The following EXD3 variants were observed in gnomAD, a reference collection of about 807,000 sequenced individuals.
The protein encoded by EXD3 is exonuclease 3'-5' domain containing 3.
Under a neutral mutation model 98.0 loss-of-function variants are expected in EXD3, and 92 were observed. The observed-to-expected ratio is 0.94, with a 90% CI of 0.79 to 1.12. The LOEUF is 1.12. Ranked by LOEUF, EXD3 falls within the 50% of genes most tolerant of loss-of-function variation. EXD3 has a pLI of 0.00. For missense variants in EXD3, 1,222 were observed against 1,191.6 expected (o/e 1.03, Z -0.38); for synonymous variants, 569 against 526.0 (o/e 1.08, Z -1.12).
At chr9:137,310,919 T>A (rs1179573534) in intron 19 of EXD3, among the ~76,000 whole-genome samples, 1 of 152,176 alleles carries the variant, frequency 6.6e-6, no homozygotes, top group Non-Finnish European at 1.5e-5. Flanking sequence ...CCCCTCCCCA[T>A]GCAGGGGCTT....
chr9:137,323,771 T>C lies in EXD3; in HGVS notation c.2138A>G (p.His713Arg). Residue 713 changes from histidine to arginine, a missense_variant, in exon 19 of 22, where the codon CAT (histidine) becomes CGT (arginine). Physicochemically the swap from His to Arg is conservative, Grantham distance 29 (BLOSUM62 0). Transcript: ENST00000340951. ...AQQQAKAVLK[H>R]FNVRVTHADI... The stretch of plus-strand genomic sequence containing the variant: ...TGCGTGGGTGACACGCACGTTGAAA[T>C]GCTTGAGCACAGCCTTGGCCTGCTG... 1 of 1,612,342 alleles carries C rather than the reference T, an allele frequency of 6.2e-7. No homozygotes were observed. Among genetic ancestry groups the C allele is most frequent in the Non-Finnish European group, 8.5e-7 (1 of 1,179,726 alleles).
At chr9:137,375,255 T>C (rs887089125) in intron 3 of EXD3, among the ~76,000 whole-genome samples, 7 of 152,058 alleles carry the variant, frequency 4.6e-5, no homozygotes, top group African/African-American at 1.2e-4. Context: ...GATCCGCCCG[T>C]CTCGGCCTCC....
At position 137,352,200 on chromosome 9, in the gene EXD3, C is replaced by T; in HGVS notation, c.1039G>A (p.Ala347Thr). 1.2e-6 allele frequency: 2 copies of T among 1,612,618 alleles called. No individual in the cohort carries two copies. Among genetic ancestry groups the T allele is most frequent in the South Asian group, 2.2e-5 (2 of 91,082 alleles). Residue 347 changes from alanine (A) to threonine (T), a missense_variant and splice_region_variant, in exon 12 of 22, where the codon GCG (alanine) becomes ACG (threonine). By Grantham distance (58) the Ala-to-Thr change is moderately conservative (BLOSUM62 0). Coordinates refer to ENST00000340951, the MANE Select transcript of EXD3 (RefSeq NM_017820.5). ...ELRRFRLQGR[A>T]TEADSRLEVK... ...TCCAGCCTCGAGTCAGCCTCAGTCG[C>T]CCTGGGAGGAGCAGAGCTGGTAGCG...
intron 5 of EXD3, among the ~76,000 whole-genome samples, chr9:137,369,114 G>A (rs1185505009): frequency 7.0e-6 from 1 of 141,854 alleles, no homozygotes; most frequent in Non-Finnish European, 1.6e-5. Flanking sequence ...GGGCGTGGGA[G>A]TCTCGGAGTC....
At chr9:137,340,769 C>T (rs1833608240) in intron 17 of EXD3, among the ~76,000 whole-genome samples, 1 of 152,136 alleles carries the variant, frequency 6.6e-6, no homozygotes, top group South Asian at 2.1e-4. Context: ...TTCTCCCGCC[C>T]TGGCCTCCCA....
At chr9:137,381,585 G>C (rs1412899192) in intron 3 of EXD3, among the ~76,000 whole-genome samples, 4 of 152,070 alleles carry the variant, frequency 2.6e-5, no homozygotes, top group African/African-American at 9.7e-5. Flanking sequence ...CTCCCAGGCT[G>C]CTCTCACCCG....
chr9:137,404,166 A>AT (rs926099091), intron 1 of EXD3, among the ~76,000 whole-genome samples: 1 of 152,072 alleles, frequency 6.6e-6, no homozygotes, highest in African/African-American at 2.4e-5. Context: ...CAACGACCTC[A>AT]TTTTACCTCT....
In EXD3 at chr9:137,407,121, C is replaced by A. The variant is rs1454288361; in HGVS notation, c.-47-11717G>T. On this transcript the variant is annotated intron_variant, in intron 1 of 21. Transcript: ENST00000340951. The surrounding 1 kb of genome is among the most constrained non-coding windows in gnomAD (Gnocchi z 4.4). ...GGCCTGCGGAGCAGCCAGTCCCGGG[C>A]ACCCCACGCCGACCGCCGCGCGTCC... Among the ~76,000 whole-genome samples the A allele has an allele frequency of 6.6e-6, 1 of 152,138 alleles. No homozygotes were observed. Among genetic ancestry groups the A allele is most frequent in the Non-Finnish European group, 1.5e-5 (1 of 68,016 alleles).
chr9:137,327,001 A>G (rs1200700726), intron 17 of EXD3, among the ~76,000 whole-genome samples: 1 of 152,122 alleles, frequency 6.6e-6, no homozygotes, highest in Non-Finnish European at 1.5e-5. Flanking sequence ...AAGATGCCAG[A>G]TACAAATGGG....
Position 137,395,200 on chromosome 9 carries a change from C to T in EXD3, c.55+103G>A. ...CGCAGCTAGGGGCCAGCAGCCTGGC[C>T]CTCGTCACTGAGTACACAGTGGGCG... On this transcript the variant is annotated intron_variant, in intron 2 of 21. Coordinates refer to ENST00000340951, the MANE Select transcript of EXD3 (RefSeq NM_017820.5). This position sits in a 1 kb window ranked among gnomAD's most constrained non-coding sequence, Gnocchi z 6.5. The T allele has an allele frequency of 9.1e-7, 1 of 1,104,548 alleles. No homozygotes were observed. Among genetic ancestry groups the T allele is most frequent in the Non-Finnish European group, 1.4e-6 (1 of 724,974 alleles). The allele number at this position is 1,104,548 out of a possible 1,614,324, so 68.4% of individuals were successfully genotyped here.
At chr9:137,310,270 C>T (rs755082996) in intron 19 of EXD3, among the ~76,000 whole-genome samples, 4 of 152,142 alleles carry the variant, frequency 2.6e-5, no homozygotes, top group African/African-American at 7.2e-5. Context: ...TTTTGAGATG[C>T]GGTCTCATTG....
chr9:137,348,761 TAGAG>T (rs1432174470), intron 16 of EXD3, among the ~76,000 whole-genome samples: 3 of 32,204 alleles, frequency 9.3e-5, no homozygotes, highest in Non-Finnish European at 1.7e-4. Flanking sequence ...AGGGGTTAGA[TAGAG>T]AGGGGAGGGG....
At chr9:137,356,496 C>T (rs371795445) in intron 7 of EXD3, 128 bp from the exon 8 acceptor site, 8 of 653,434 alleles carry the variant, frequency 1.2e-5, no homozygotes, top group South Asian at 5.5e-5. Flanking sequence ...AAAATGCAGG[C>T]GTCACCGCCC....
chr9:137,317,738 C>T (rs1475630232), intron 19 of EXD3, among the ~76,000 whole-genome samples: 1 of 152,128 alleles, frequency 6.6e-6, no homozygotes, highest in Non-Finnish European at 1.5e-5. Flanking sequence ...TAAGCCCCCT[C>T]AGGTGCCATC....
chr9:137,361,703 G>A (rs558001300), intron 7 of EXD3, among the ~76,000 whole-genome samples: 51 of 147,210 alleles, frequency 3.5e-4, no homozygotes, highest in African/African-American at 1.1e-3. Flanking sequence ...CTGAGATCGC[G>A]CCACTGCACT....
At position 137,337,629 on chromosome 9, in the gene EXD3, C is replaced by T. The variant is rs111547793; in HGVS notation, c.1998+10442G>A. ...TTTCGCCACTGCACTCCAGCCTGGGCGACAGAGCGAGATTTCTTCTCAAAA... is the reference window on the plus strand; with the variant it reads ...TTTCGCCACTGCACTCCAGCCTGGGTGACAGAGCGAGATTTCTTCTCAAAA... On this transcript the variant is annotated intron_variant, in intron 17 of 21. Transcript: ENST00000340951. Among the ~76,000 whole-genome samples, 735 of 150,816 alleles carry T rather than the reference C, an allele frequency of 4.9e-3. 6 individuals carry two copies. The highest frequency in any genetic ancestry group is 4.7e-3 in the Non-Finnish European group (319 of 67,804).
At chr9:137,366,441 G>C in intron 7 of EXD3, 52 bp downstream of exon 7, 1 of 1,531,088 alleles carries the variant, frequency 6.5e-7, no homozygotes, top group Non-Finnish European at 8.8e-7. Flanking sequence ...TCCCTAACCA[G>C]GGCTCCCAGG....
intron 18 of EXD3, 108 bp downstream of exon 18, chr9:137,323,982 T>C (rs1832242175): frequency 6.5e-7 from 1 of 1,528,592 alleles, no homozygotes; most frequent in Middle Eastern, 1.7e-4. Context: ...GCAGAGGCGC[T>C]GGGGGTCGGC....
rs1836421430 is a variant in EXD3 at position 137,383,417 on chromosome 9, G to T, written c.56-40C>A. 5 of 1,454,054 alleles carry T rather than the reference G, an allele frequency of 3.4e-6. No individual in the cohort carries two copies. The African/African-American group carries it at 4.3e-5, about 12-fold the overall frequency. The allele number at this position is 1,454,054 out of a possible 1,614,324, so 90.1% of individuals were successfully genotyped here. ...TAACAGCCGTGGGAGGGAGAGGCAG[G>T]TGCAGGGGCTATCGCACAGCCCGCC... On this transcript the variant is annotated intron_variant, in intron 2 of 21. Transcript: ENST00000340951.
Sources: gnomAD v4.1 joint callset for allele counts (sites outside exome capture counted in the v4.1 genomes callset) on GRCh38, gnomAD v4.1.1 for gene constraint, Gnocchi (gnomAD v3.1) non-coding constraint, MANE v1.5 for transcripts, NCBI Gene and HGNC (gene_info 2026-07-23, HGNC 2026-07-21) for gene names.